RNF175: variants seen among roughly 807,000 people sequenced by gnomAD.
The protein encoded by RNF175 is ring finger protein 175.
In RNF175, 38 loss-of-function variants were observed where a neutral mutation model predicts 50.0. The observed-to-expected ratio is 0.76, with a 90% confidence interval of 0.59 to 1.00. The LOEUF is 1.00. Ranked by LOEUF, RNF175 falls within the 50% of genes least tolerant of loss-of-function variation. The pLI is 0.00. For synonymous variants in RNF175, 155 were observed against 146.1 expected (o/e 1.06, Z -0.44); for missense variants, 388 against 409.6 (o/e 0.95, Z 0.46).
At chr4:153,756,333 C>G (rs978559446) in intron 1 of RNF175, among the ~76,000 whole-genome samples, 2 of 152,072 alleles carry the variant, frequency 1.3e-5, no homozygotes, top group Admixed American at 1.3e-4. Context: ...ACTTGGGACT[C>G]TCTCTCTCAG....
intron 3 of RNF175, among the ~76,000 whole-genome samples, chr4:153,736,953 G>A (rs1739385530): frequency 6.6e-6 from 1 of 152,074 alleles, no homozygotes; most frequent in Non-Finnish European, 1.5e-5. Flanking sequence ...CCAACTCCTG[G>A]GCTTAAGCAA....
chr4:153,743,182 G>C (rs1346689266), intron 3 of RNF175, among the ~76,000 whole-genome samples: 1 of 152,164 alleles, frequency 6.6e-6, no homozygotes, highest in African/African-American at 2.4e-5. Flanking sequence ...ATAAGCTAGT[G>C]GTACTCTAGG....
At chr4:153,749,258 G>A (rs921644177) in intron 2 of RNF175, among the ~76,000 whole-genome samples, 1 of 152,234 alleles carries the variant, frequency 6.6e-6, no homozygotes, top group Non-Finnish European at 1.5e-5. Context: ...GTTGTTGTAA[G>A]ACTATAAAGC....
At chr4:153,748,452 T>G in intron 3 of RNF175, 193 bp downstream of exon 3, 1 of 484,494 alleles carries the variant, frequency 2.1e-6, no homozygotes, top group Non-Finnish European at 3.5e-6. Flanking sequence ...CCCCCACAAG[T>G]CTTGACAGTC....
chr4:153,755,664 C>G (rs1284558840), intron 1 of RNF175, among the ~76,000 whole-genome samples: 1 of 125,050 alleles, frequency 8.0e-6, no homozygotes, highest in African/African-American at 2.5e-5. Flanking sequence ...CATCCCCCAC[C>G]CCCGCAAAAA....
At chr4:153,757,471 A>G (rs4696490) in intron 1 of RNF175, among the ~76,000 whole-genome samples, 148,412 of 152,264 alleles carry the variant, frequency 0.97, 72,446 homozygotes, top group East Asian at 1. Context: ...TAAACCAAGT[A>G]GCAAAGCCAG....
Position 153,720,299 on chromosome 4 carries a change from T to C in RNF175, c.515A>G (p.Lys172Arg). Residue 172 changes from lysine (K) to arginine (R), a missense_variant, in exon 6 of 9, where the codon AAA becomes AGA. Lys to Arg is a conservative substitution (Grantham distance 26, BLOSUM62 2). Transcript: ENST00000347063. ...GCCAAAATCCATGGAATCTCTAGCT[T>C]TGATTCTATTGAAAACAACAGTATA... The part of the protein sequence containing the change: ...MCGFNLFFKI[K>R]ARDSMDFGIV... The C allele has an allele frequency of 6.2e-7, 1 of 1,612,716 alleles. No individual in the cohort carries two copies.
chr4:153,718,519 T>C (rs1213073449), intron 6 of RNF175, among the ~76,000 whole-genome samples: 1 of 151,966 alleles, frequency 6.6e-6, no homozygotes, highest in African/African-American at 2.4e-5. Flanking sequence ...TCGGGTTGGA[T>C]CAGGTGAGAA....
Position 153,712,552 on chromosome 4 carries a change from A to G in RNF175, c.789T>C (p.Gly263=). 6.2e-7 allele frequency: 1 copy of G among 1,612,672 alleles called. No homozygotes were observed. The highest frequency in any genetic ancestry group is 8.5e-7 in the Non-Finnish European group (1 of 1,178,956). Reference sequence around the variant, plus strand: ...TCTGCTTTTTCCCAACGATACACCAACCTCGGATGCAGAATTCATGAAAGC... The same window carrying G: ...TCTGCTTTTTCCCAACGATACACCAGCCTCGGATGCAGAATTCATGAAAGC... ...NHVFHEFCIR[G]WCIVGKKQTC... Residue 263 remains glycine, a synonymous_variant, in exon 8 of 9, where the codon GGT becomes GGC. Coordinates refer to ENST00000347063, the MANE Select transcript of RNF175 (RefSeq NM_173662.4).
At chr4:153,755,539 G>C (rs1448980056) in intron 1 of RNF175, among the ~76,000 whole-genome samples, 4 of 150,380 alleles carry the variant, frequency 2.7e-5, no homozygotes, top group African/African-American at 9.8e-5. Context: ...CTCAAATGAA[G>C]AATCGAAGAT....
intron 6 of RNF175, among the ~76,000 whole-genome samples, chr4:153,718,840 G>A (rs982136838): frequency 6.6e-6 from 1 of 152,186 alleles, no homozygotes; most frequent in South Asian, 2.1e-4. Context: ...TGGAGGGGAT[G>A]GACAATTGCT....
In RNF175 at chr4:153,715,680, C is replaced by T. The variant is rs1407057738; in HGVS notation, c.631-18G>A. ...CTGTAGAACTATCAGAGGAAATGGA[C>T]AGAGCACAGTCAGAAAGGAGAGCAC... On this transcript the variant is annotated intron_variant, in intron 6 of 8. Transcript: ENST00000347063. 1 of 1,610,654 alleles carries T rather than the reference C, an allele frequency of 6.2e-7. No individual in the cohort carries two copies.
At position 153,718,222 on chromosome 4, in the gene RNF175, G is replaced by GTTTTTTTTTTTTTTTTT; in HGVS notation, c.630+1961_630+1962insAAAAAAAAAAAAAAAAA. Among the ~76,000 whole-genome samples the GTTTTTTTTTTTTTTTTT allele has an allele frequency of 1.9e-3, 71 of 37,526 alleles. 17 individuals carry two copies. Among genetic ancestry groups the GTTTTTTTTTTTTTTTTT allele is most frequent in the Non-Finnish European group, 3.3e-3 (47 of 14,140 alleles). The allele number at this position is 37,526 out of a possible 152,430, so 24.6% of individuals were successfully genotyped here. A position where few individuals can be genotyped will look rare whatever the true frequency, so the allele number is the denominator to read the frequency against. ...CTTTCCTAAGGAGTTTTTTTTGTTT[G>GTTTTTTTTTTTTTTTTT]TTTGTTTGTTTGTTTGTTTTTTTTT... On this transcript the variant is annotated intron_variant, in intron 6 of 8. Transcript: ENST00000347063.
chr4:153,749,774 T>C (rs1172381436), intron 2 of RNF175, among the ~76,000 whole-genome samples: 1 of 152,136 alleles, frequency 6.6e-6, no homozygotes, highest in Non-Finnish European at 1.5e-5. Flanking sequence ...CATTTCTGGG[T>C]GTTGGGGGCT....
intron 4 of RNF175, among the ~76,000 whole-genome samples, chr4:153,727,973 C>T (rs1179543935): frequency 6.6e-6 from 1 of 152,190 alleles, no homozygotes; most frequent in Non-Finnish European, 1.5e-5. Context: ...CTGCATTTCA[C>T]TAGCTAATAT....
At chr4:153,751,347 A>G (rs1740280380) in intron 2 of RNF175, 91 bp downstream of exon 2, 3 of 960,266 alleles carry the variant, frequency 3.1e-6, no homozygotes, top group Non-Finnish European at 4.8e-6. Flanking sequence ...AAAATTTACA[A>G]ATAAAATGAT....
At chr4:153,713,808 C>T (rs899783459) in intron 7 of RNF175, 1 of 152,158 alleles carries the variant, frequency 6.6e-6, no homozygotes, top group African/African-American at 2.4e-5. Context: ...ACTCAAACAG[C>T]CTTTCATTCA....
At chr4:153,739,951 T>C (rs947441358) in intron 3 of RNF175, among the ~76,000 whole-genome samples, 2 of 152,160 alleles carry the variant, frequency 1.3e-5, no homozygotes, top group Non-Finnish European at 2.9e-5. Flanking sequence ...TATCTCTTTC[T>C]TCTCCTTTTG....
chr4:153,732,043 G>A (rs990262601), intron 3 of RNF175, among the ~76,000 whole-genome samples: 1 of 151,990 alleles, frequency 6.6e-6, no homozygotes, highest in Non-Finnish European at 1.5e-5. Context: ...ACCAGCCTGG[G>A]CAACATGGTG....
Sources: gnomAD v4.1 joint callset for allele counts (sites outside exome capture counted in the v4.1 genomes callset) on GRCh38, gnomAD v4.1.1 for gene constraint, MANE v1.5 for transcripts, NCBI Gene and HGNC (gene_info 2026-07-23, HGNC 2026-07-21) for gene names.